Variants in WDR70 observed in about 807,000 individuals in gnomAD.
The protein encoded by WDR70 is WD repeat-containing protein 70.
In WDR70, 53 loss-of-function variants were observed where a neutral mutation model predicts 88.6. The ratio of observed to expected loss-of-function variants is 0.60; its 90% CI spans 0.48 to 0.75. WDR70 has a LOEUF of 0.75. Among genes scored for constraint, WDR70 ranks in the 30% least tolerant of loss-of-function variants. The probability of loss-of-function intolerance (pLI) is 0.00; values close to 1 mark genes in which losing one functional copy is unlikely to be tolerated. For synonymous variants in WDR70, 280 were observed against 270.0 expected (o/e 1.04, Z -0.36); for missense variants, 610 against 823.2 (o/e 0.74, Z 3.17).
intron 3 of WDR70, among the ~76,000 whole-genome samples, chr5:37,390,405 T>A (rs904265132): frequency 4.0e-5 from 6 of 150,296 alleles, no homozygotes; most frequent in Admixed American, 3.3e-4. Context: ...AGTGGCACGA[T>A]CTTGGCTCAC....
At chr5:37,488,305 G>A (rs538368800) in intron 8 of WDR70, among the ~76,000 whole-genome samples, 1 of 151,298 alleles carries the variant, frequency 6.6e-6, no homozygotes, top group African/African-American at 2.4e-5. Flanking sequence ...GTATCTATAT[G>A]GGAATCTGCT....
At chr5:37,530,216 T>C (rs1343384543) in intron 9 of WDR70, among the ~76,000 whole-genome samples, 5 of 152,156 alleles carry the variant, frequency 3.3e-5, no homozygotes, top group African/African-American at 1.2e-4. Flanking sequence ...TTTGGTTCAC[T>C]AGTATTTTGT....
At chr5:37,695,994 T>G (rs1311637412) in intron 10 of WDR70, among the ~76,000 whole-genome samples, 1 of 152,212 alleles carries the variant, frequency 6.6e-6, no homozygotes, top group Non-Finnish European at 1.5e-5. Flanking sequence ...CTTTTCTCCC[T>G]CATTGTCAAG....
intron 17 of WDR70, among the ~76,000 whole-genome samples, chr5:37,738,676 G>T (rs946028607): frequency 1.3e-5 from 2 of 152,186 alleles, no homozygotes; most frequent in Non-Finnish European, 2.9e-5. Flanking sequence ...CCTCTGGATG[G>T]AAGCACTGAA....
chr5:37,465,490 G>C (rs1739123491), intron 7 of WDR70, among the ~76,000 whole-genome samples: 1 of 152,136 alleles, frequency 6.6e-6, no homozygotes, highest in African/African-American at 2.4e-5. Flanking sequence ...AAATTTGGAG[G>C]AGCAGTTTCT....
intron 9 of WDR70, among the ~76,000 whole-genome samples, chr5:37,557,957 A>ACTCTC: frequency 1.4e-5 from 2 of 139,250 alleles, no homozygotes; most frequent in Non-Finnish European, 3.2e-5. Context: ...TCAAAAGAGT[A>ACTCTC]TTATGTATAT....
At chr5:37,588,077 A>G (rs1470277915) in intron 9 of WDR70, among the ~76,000 whole-genome samples, 1 of 152,196 alleles carries the variant, frequency 6.6e-6, no homozygotes, top group African/African-American at 2.4e-5. Flanking sequence ...TATTTTGAGG[A>G]ACATTTCAAG....
At chr5:37,501,487 G>T (rs186354002) in intron 8 of WDR70, among the ~76,000 whole-genome samples, 1 of 152,046 alleles carries the variant, frequency 6.6e-6, no homozygotes, top group Non-Finnish European at 1.5e-5. Context: ...ATATTAACAT[G>T]GTAGCTGATG....
chr5:37,751,440 G>A lies in WDR70; in HGVS notation c.1878-1046G>A, dbSNP rs113295481. ...CAGGAATAATGATCAACTTATTCAC[G>A]AGCAATTCTAGTACATGACTCATGT... On this transcript the variant is annotated intron_variant, in intron 17 of 17. Coordinates refer to ENST00000265107, the MANE Select transcript of WDR70 (RefSeq NM_018034.4). Among the ~76,000 whole-genome samples, 1,155 of 152,292 alleles carry A rather than the reference G, an allele frequency of 7.6e-3. 15 individuals are homozygous for A. Among genetic ancestry groups the A allele is most frequent in the African/African-American group, 0.026 (1,085 of 41,562 alleles).
At chr5:37,727,772 C>T (rs780722500) in intron 17 of WDR70, among the ~76,000 whole-genome samples, 27 of 152,034 alleles carry the variant, frequency 1.8e-4, no homozygotes, top group Admixed American at 3.3e-4. Context: ...GACAGTGTCT[C>T]ACTCTGTTGC....
In WDR70 at chr5:37,657,155, G is replaced by A. The variant is rs146852950; in HGVS notation, c.1093-40500G>A. 8.1e-3 allele frequency among the ~76,000 whole-genome samples: 1,231 copies of A among 152,302 alleles called. 18 individuals are homozygous for A. Among genetic ancestry groups the A allele is most frequent in the African/African-American group, 0.028 (1,168 of 41,554 alleles). ...CATCTGAGGGAATCTTCTGGTCTGT[G>A]TGTTGTGAAGACTGTGGGAAAAGCA... On this transcript the variant is annotated intron_variant, in intron 10 of 17. Coordinates refer to ENST00000265107, the MANE Select transcript of WDR70 (RefSeq NM_018034.4).
intron 10 of WDR70, among the ~76,000 whole-genome samples, chr5:37,655,228 T>A (rs952126029): frequency 3.9e-5 from 6 of 152,200 alleles, no homozygotes; most frequent in African/African-American, 1.4e-4. Flanking sequence ...GGTTATGAAA[T>A]TCTGGGTTGG....
chr5:37,681,135 T>A (rs1746424529), intron 10 of WDR70, among the ~76,000 whole-genome samples: 1 of 152,122 alleles, frequency 6.6e-6, no homozygotes, highest in Non-Finnish European at 1.5e-5. Context: ...TTTTTGTAGT[T>A]TTCATTGTAG....
chr5:37,715,034 G>T (rs1024703303), intron 13 of WDR70, among the ~76,000 whole-genome samples: 2 of 152,198 alleles, frequency 1.3e-5, no homozygotes, highest in Non-Finnish European at 1.5e-5. Flanking sequence ...TGCTGCTTTA[G>T]TGGTTACCTT....
At chr5:37,486,431 T>C (rs1050733215) in intron 8 of WDR70, among the ~76,000 whole-genome samples, 2 of 151,820 alleles carry the variant, frequency 1.3e-5, no homozygotes, top group Non-Finnish European at 2.9e-5. Flanking sequence ...ACAACCTCTG[T>C]CTCCCGGGTT....
intron 10 of WDR70, among the ~76,000 whole-genome samples, chr5:37,671,371 A>G (rs1746019938): frequency 6.6e-6 from 1 of 152,216 alleles, no homozygotes; most frequent in Non-Finnish European, 1.5e-5. Context: ...AGACAGGGAA[A>G]TAGCAGATTA....
intron 10 of WDR70, among the ~76,000 whole-genome samples, chr5:37,617,982 A>C (rs1429510245): frequency 1.3e-5 from 2 of 152,252 alleles, no homozygotes; most frequent in Non-Finnish European, 2.9e-5. Context: ...TTGAGTTCAC[A>C]TAAGTATTTA....
intron 9 of WDR70, among the ~76,000 whole-genome samples, chr5:37,600,420 G>A (rs1199251322): frequency 1.3e-5 from 2 of 151,838 alleles, no homozygotes; most frequent in Admixed American, 1.3e-4. Flanking sequence ...CCAGCTACTC[G>A]GGAGGCTAAG....
intron 8 of WDR70, among the ~76,000 whole-genome samples, chr5:37,489,527 C>T (rs974582046): frequency 1.3e-5 from 2 of 152,028 alleles, no homozygotes; most frequent in African/African-American, 4.8e-5. Context: ...GTCCTCCAGC[C>T]CCTAGGGGGT....
Sources: gnomAD v4.1 joint callset for allele counts (sites outside exome capture counted in the v4.1 genomes callset) on GRCh38, gnomAD v4.1.1 for gene constraint, MANE v1.5 for transcripts, NCBI Gene and HGNC (gene_info 2026-07-23, HGNC 2026-07-21) for gene names.